Variants in TMEM44 observed in about 807,000 individuals in gnomAD.
The protein encoded by TMEM44 is transmembrane protein 44.
TMEM44 carries 43 observed loss-of-function variants against 47.8 expected under a neutral mutation model. The observed-to-expected ratio is 0.90, with a 90% CI of 0.70 to 1.16. The LOEUF (loss-of-function observed/expected upper bound fraction) is 1.16. Among genes scored for constraint, TMEM44 ranks in the 50% most tolerant of loss-of-function variants. TMEM44 has a pLI of 0.00. For synonymous variants in TMEM44, 277 were observed against 238.8 expected (o/e 1.16, Z -1.48); for missense variants, 568 against 555.2 (o/e 1.02, Z -0.23).
At chr3:194,600,785 A>G (rs1390034625) in intron 9 of TMEM44, among the ~76,000 whole-genome samples, 1 of 152,068 alleles carries the variant, frequency 6.6e-6, no homozygotes, top group Non-Finnish European at 1.5e-5. Context: ...AGAACAGAAA[A>G]TATAGATTAC....
intron 5 of TMEM44, 83 bp downstream of exon 5, chr3:194,623,141 C>A: frequency 1.5e-6 from 2 of 1,360,610 alleles, no homozygotes; most frequent in South Asian, 1.4e-5. Flanking sequence ...GCCACACCTC[C>A]GCCCCATGAC....
chr3:194,596,207 G>A (rs953797750), intron 9 of TMEM44, among the ~76,000 whole-genome samples: 45 of 152,056 alleles, frequency 3.0e-4, no homozygotes, highest in South Asian at 2.1e-4. Flanking sequence ...GGCTGGGGTC[G>A]AGTGTTGGAA....
chr3:194,630,576 G>A (rs1355691436), intron 1 of TMEM44, among the ~76,000 whole-genome samples: 2 of 94,850 alleles, frequency 2.1e-5, no homozygotes, highest in African/African-American at 1.0e-4. Flanking sequence ...ATACGCTGTC[G>A]TACCTGCCTC....
chr3:194,591,850 G>A (rs57998487), intron 9 of TMEM44, among the ~76,000 whole-genome samples: 1 of 151,858 alleles, frequency 6.6e-6, no homozygotes, highest in Admixed American at 6.6e-5. Context: ...CAGGTGATCC[G>A]CCCCCCTCAG....
rs1174546812 is a variant in TMEM44, at chr3:194,611,859, T to G, written c.913-839A>C. 1.3e-5 allele frequency among the ~76,000 whole-genome samples: 2 copies of G among 152,002 alleles called. No homozygotes were observed. The highest frequency in any genetic ancestry group is 2.9e-5 in the Non-Finnish European group (2 of 68,006). On this transcript the variant is annotated intron_variant, in intron 7 of 9. Transcript: ENST00000347147. The surrounding 1 kb of genome is among the most constrained non-coding windows in gnomAD (Gnocchi z 4.2). The stretch of plus-strand genomic sequence containing the variant: ...CAACATAGTGAAACCCTGTCTCTAC[T>G]AAAAATACAAAAATTGGCTGGGCAA...
At chr3:194,596,382 C>CA (rs1713413656) in intron 9 of TMEM44, among the ~76,000 whole-genome samples, 2 of 152,148 alleles carry the variant, frequency 1.3e-5, no homozygotes, top group Non-Finnish European at 2.9e-5. Flanking sequence ...CAGAAGTTTT[C>CA]CAGAGTGGTT....
intron 7 of TMEM44, among the ~76,000 whole-genome samples, chr3:194,613,487 C>T (rs182465823): frequency 4.2e-4 from 63 of 149,996 alleles, no homozygotes; most frequent in Non-Finnish European, 7.4e-4. Context: ...TTAATGAACA[C>T]TTTAAAAAAA....
chr3:194,628,378 C>T lies in TMEM44; in HGVS notation c.264+5G>A. On this transcript the variant is annotated splice_donor_5th_base_variant and intron_variant, in intron 2 of 9. Coordinates refer to ENST00000347147, the MANE Select transcript of TMEM44 (RefSeq NM_001011655.3). ...AAGCCACTGTCAGCTGGAGGCCCAACATACCTGGATTGTGAGCTGTCTGGC... is the reference window on the plus strand; with the variant it reads ...AAGCCACTGTCAGCTGGAGGCCCAATATACCTGGATTGTGAGCTGTCTGGC... 1.2e-6 allele frequency: 2 copies of T among 1,609,514 alleles called. No homozygotes were observed. Among genetic ancestry groups the T allele is most frequent in the Non-Finnish European group, 1.7e-6 (2 of 1,177,868 alleles).
At chr3:194,618,563 T>A (rs1377798880) in intron 5 of TMEM44, among the ~76,000 whole-genome samples, 1 of 148,120 alleles carries the variant, frequency 6.8e-6, no homozygotes, top group Non-Finnish European at 1.5e-5. Context: ...ATAGTTAAGT[T>A]TATATATAAT....
Position 194,588,403 on chromosome 3 carries a change from C to G in TMEM44, c.*126G>C. Reference sequence around the variant, plus strand: ...GCCCAGCCACACTCAGTGACGGCTCCTGGTTCCTCACTTGCCAGGGCAGCT... The same window carrying G: ...GCCCAGCCACACTCAGTGACGGCTCGTGGTTCCTCACTTGCCAGGGCAGCT... On this transcript the variant is annotated 3_prime_UTR_variant, in exon 10 of 10. Coordinates refer to ENST00000347147, the MANE Select transcript of TMEM44 (RefSeq NM_001011655.3). 1.3e-6 allele frequency: 1 copy of G among 777,170 alleles called. No individual in the cohort carries two copies. Among genetic ancestry groups the G allele is most frequent in the Non-Finnish European group, 2.1e-6 (1 of 476,928 alleles). The allele number at this position is 777,170 out of a possible 1,614,324, so 48.1% of individuals were successfully genotyped here.
chr3:194,620,529 C>A (rs968513018), intron 5 of TMEM44, among the ~76,000 whole-genome samples: 43 of 152,188 alleles, frequency 2.8e-4, no homozygotes, highest in Non-Finnish European at 2.9e-5. Context: ...GGAAATGACA[C>A]AGACAAGGCC....
chr3:194,602,470 T>C (rs789847), intron 9 of TMEM44, among the ~76,000 whole-genome samples: 132,853 of 152,056 alleles, frequency 0.87, 58,478 homozygotes, highest in East Asian at 0.97. Context: ...GGCGTGGTGG[T>C]GGGCACCTGT....
chr3:194,631,205 T>TAC (rs1717789361), intron 1 of TMEM44, among the ~76,000 whole-genome samples: 2 of 147,862 alleles, frequency 1.4e-5, no homozygotes, highest in Non-Finnish European at 3.0e-5. Context: ...CTCTGAAATA[T>TAC]GTTGTCGTAC....
At chr3:194,626,096 G>T in intron 2 of TMEM44, 106 bp from the exon 3 acceptor site, 2 of 800,606 alleles carry the variant, frequency 2.5e-6, no homozygotes, top group Non-Finnish European at 2.1e-6. Context: ...CTGATGCGGT[G>T]CTTTCTTACG....
chr3:194,627,582 C>T (rs1717311448), intron 2 of TMEM44, among the ~76,000 whole-genome samples: 1 of 152,210 alleles, frequency 6.6e-6, no homozygotes, highest in Non-Finnish European at 1.5e-5. Flanking sequence ...ATGTATTGGG[C>T]ACCTACTAGG....
intron 5 of TMEM44, 31 bp downstream of exon 5, chr3:194,623,193 C>G (rs777052961): frequency 1.2e-5 from 19 of 1,574,802 alleles, no homozygotes; most frequent in Non-Finnish European, 1.6e-5. Flanking sequence ...TGTCATGTGA[C>G]CCACAGTCCC....
chr3:194,600,946 T>C (rs1002867520), intron 9 of TMEM44, among the ~76,000 whole-genome samples: 7 of 152,218 alleles, frequency 4.6e-5, no homozygotes, highest in African/African-American at 1.7e-4. Context: ...TTACAGGACC[T>C]CAGCGGCTTT....
At chr3:194,599,952 G>A (rs1713889078) in intron 9 of TMEM44, among the ~76,000 whole-genome samples, 2 of 151,936 alleles carry the variant, frequency 1.3e-5, no homozygotes, top group African/African-American at 4.8e-5. Context: ...TTGAGATGGG[G>A]TTTGACCATG....
At chr3:194,598,074 C>G (rs113794360) in intron 9 of TMEM44, among the ~76,000 whole-genome samples, 3 of 152,188 alleles carry the variant, frequency 2.0e-5, no homozygotes, top group African/African-American at 7.2e-5. Flanking sequence ...CCACAGTCTC[C>G]GTGGAGTATG....
Sources: gnomAD v4.1 joint callset for allele counts (sites outside exome capture counted in the v4.1 genomes callset) on GRCh38, gnomAD v4.1.1 for gene constraint, Gnocchi (gnomAD v3.1) non-coding constraint, MANE v1.5 for transcripts, NCBI Gene and HGNC (gene_info 2026-07-23, HGNC 2026-07-21) for gene names.